Variants in TPSAB1 observed in about 807,000 individuals in gnomAD.
TPSAB1 encodes tryptase alpha/beta-1.
TPSAB1 carries 15 observed loss-of-function variants against 21.8 expected under a neutral mutation model. The ratio of observed to expected loss-of-function variants is 0.69; its 90% confidence interval spans 0.46 to 1.06. The LOEUF is 1.06. Ranked by LOEUF, TPSAB1 falls within the 50% of genes least tolerant of loss-of-function variation. The probability of loss-of-function intolerance (pLI) is 0.00; values close to 1 mark genes in which losing one functional copy is unlikely to be tolerated. For missense variants in TPSAB1, 186 were observed against 311.2 expected, an observed-to-expected ratio of 0.60 and a Z score of 3.03; for synonymous variants, 74 against 140.4, an observed-to-expected ratio of 0.53 and a Z score of 3.34.
In TPSAB1 at chr16:1,241,269, G is replaced by A. The variant is rs762710465; in HGVS notation, c.178G>A (p.Gly60Arg). The change falls in exon 3 of 6, where the codon GGG (glycine) becomes AGG (arginine). Residue 60 changes from glycine (G) to arginine (R), a missense_variant. This residue lies in a region of TPSAB1 where 89 missense variants were observed against 74.9 expected (regional missense o/e 1.19). Coordinates refer to ENST00000338844, the MANE Select transcript of TPSAB1 (RefSeq NM_003294.4). ...CGGCCCATACTGGATGCACTTCTGC[G>A]GGGGCTCCCTCATCCACCCCCAGTG... is the stretch of plus-strand genomic sequence containing the variant. ...VHGPYWMHFCGGSLIHPQWVL... is the reference protein window; with the variant it reads ...VHGPYWMHFCRGSLIHPQWVL... 1.1e-5 allele frequency: 18 copies of A among 1,612,002 alleles called. No homozygotes were observed. Among genetic ancestry groups the A allele is most frequent in the Admixed American group, 6.7e-5 (4 of 59,902 alleles).
rs550384428 is a variant in TPSAB1, at chr16:1,241,185, G to C, written c.94G>C (p.Val32Leu). 3.1e-6 allele frequency: 5 copies of C among 1,608,516 alleles called. No individual in the cohort carries two copies. The East Asian group carries it at 6.7e-5, about 22-fold the overall frequency. ...PGQALQRVGI[V>L]GGQEAPRSKW... ...CCAGGCCCTGCAGCGAGTGGGCATCGTCGGGGGTCAGGAGGCCCCCAGGAG... is the reference window on the plus strand; with the variant it reads ...CCAGGCCCTGCAGCGAGTGGGCATCCTCGGGGGTCAGGAGGCCCCCAGGAG... The change falls in exon 3 of 6, where the codon GTC becomes CTC. Residue 32 changes from valine to leucine, a missense_variant. Coordinates refer to ENST00000338844, the MANE Select transcript of TPSAB1 (RefSeq NM_003294.4).
rs1306793413 is a variant in TPSAB1 at position 1,240,716 on chromosome 16, G to C, written c.-13G>C. On this transcript the variant is annotated 5_prime_UTR_variant, in exon 1 of 6. Coordinates refer to ENST00000338844, the MANE Select transcript of TPSAB1 (RefSeq NM_003294.4). ...GAGAGCCCACTGGGTAGAAGGAACA[G>C]GGAGCGGCCAGGGTAAGTCCCCACT... 1 of 593,890 alleles carries C rather than the reference G, an allele frequency of 1.7e-6. No homozygotes were observed. Among genetic ancestry groups the C allele is most frequent in the Non-Finnish European group, 3.0e-6 (1 of 335,744 alleles). 36.8% of individuals were successfully genotyped at this position (593,890 alleles called of 1,614,324 possible).
chr16:1,242,217 C>T lies in TPSAB1; in HGVS notation c.805C>T (p.His269Tyr), dbSNP rs1315645632. 4 of 1,610,560 alleles carry T rather than the reference C, an allele frequency of 2.5e-6. No homozygotes were observed. The highest frequency in any genetic ancestry group is 3.4e-6 in the Non-Finnish European group (4 of 1,178,856). ...CACCTACTACTTGGACTGGATCCAC[C>T]ACTATGTCCCCAAAAAGCCGTGAGT... ...RVTYYLDWIH[H>Y]YVPKKP The change falls in exon 6 of 6, where the codon CAC becomes TAC. Residue 269 changes from histidine (H) to tyrosine (Y), a missense_variant. Coordinates refer to ENST00000338844, the MANE Select transcript of TPSAB1 (RefSeq NM_003294.4).
chr16:1,241,171 AG>A lies in TPSAB1; in HGVS notation c.81del (p.Gln27HisfsTer20). On this transcript the variant is annotated frameshift_variant, in exon 3 of 6. Transcript: ENST00000338844. LOFTEE classifies it high-confidence loss of function. ...GCCCCAGCCCCAGGCCAGGCCCTGC[AG>A]CGAGTGGGCATCGTCGGGGGTCAGG... Reference protein sequence around the residue: ...YAAPAPGQALQRVGIVGGQEA... With the variant: ...YAAPAPGQALXRVGIVGGQEA... 6.2e-7 allele frequency: 1 copy of A among 1,603,160 alleles called. No homozygotes were observed. Among genetic ancestry groups the A allele is most frequent in the Non-Finnish European group, 8.5e-7 (1 of 1,175,916 alleles).
chr16:1,241,596 C>G lies in TPSAB1; in HGVS notation c.396C>G (p.Asn132Lys), dbSNP rs144979264. The change falls in exon 4 of 6, where the codon AAC (asparagine) becomes AAG (lysine). Residue 132 changes from asparagine (N) to lysine (K), a missense_variant. Coordinates refer to ENST00000338844, the MANE Select transcript of TPSAB1 (RefSeq NM_003294.4). The stretch of plus-strand genomic sequence containing the variant: ...TGCTGGAGCTGGAGGAGCCGGTGAA[C>G]GTCTCCAGCCACGTCCACACGGTCA... ...IALLELEEPVNVSSHVHTVTL... is the reference protein window; with the variant it reads ...IALLELEEPVKVSSHVHTVTL... 0.4 allele frequency: 447,737 copies of G among 1,128,336 alleles called. 71,040 individuals are homozygous for G. Among genetic ancestry groups the G allele is most frequent in the East Asian group, 0.7 (23,935 of 34,032 alleles). The allele number at this position is 1,128,336 out of a possible 1,614,324, so 69.9% of individuals were successfully genotyped here.
chr16:1,241,159 G>A lies in TPSAB1; in HGVS notation c.68G>A (p.Gly23Asp), dbSNP rs141519544. The A allele has an allele frequency of 3.2e-6, 5 of 1,553,432 alleles. No individual in the cohort carries two copies. Among genetic ancestry groups the A allele is most frequent in the Admixed American group, 1.8e-5 (1 of 54,842 alleles). Residue 23 changes from glycine to aspartate, a missense_variant, in exon 3 of 6, where the codon GGC (glycine) becomes GAC (aspartate). Gly to Asp is a moderately conservative substitution (Grantham distance 94, BLOSUM62 -1). Around this residue, in one of 4 missense-constraint regions of TPSAB1, gnomAD observed 89 missense variants for 74.9 expected, o/e 1.19. Transcript: ENST00000338844. ...GACCTGGCACCTGCCCCAGCCCCAG[G>A]CCAGGCCCTGCAGCGAGTGGGCATC... The part of the protein sequence containing the change: ...ASRAYAAPAP[G>D]QALQRVGIVG...
Position 1,242,159 on chromosome 16 carries a change from C to G in TPSAB1, c.747C>G (p.Ala249=). Residue 249 remains alanine (A), a synonymous_variant, in exon 6 of 6, where the codon GCC becomes GCG. Coordinates refer to ENST00000338844, the MANE Select transcript of TPSAB1 (RefSeq NM_003294.4). Reference sequence around the variant, plus strand: ...TGGTCAGCTGGGGCGAGGGCTGTGCCCAGCCCAACCGGCCTGGCATCTACA... The same window carrying G: ...TGGTCAGCTGGGGCGAGGGCTGTGCGCAGCCCAACCGGCCTGGCATCTACA... ...AGVVSWGEGC[A]QPNRPGIYTR... 1.3e-6 allele frequency: 2 copies of G among 1,597,010 alleles called. No homozygotes were observed. The highest frequency in any genetic ancestry group is 1.7e-6 in the Non-Finnish European group (2 of 1,173,362).
rs1201811429 is a variant in TPSAB1 at position 1,241,192 on chromosome 16, G to C, written c.101G>C (p.Gly34Ala). Reference sequence around the variant, plus strand: ...CTGCAGCGAGTGGGCATCGTCGGGGGTCAGGAGGCCCCCAGGAGCAAGTGG... The same window carrying C: ...CTGCAGCGAGTGGGCATCGTCGGGGCTCAGGAGGCCCCCAGGAGCAAGTGG... The part of the protein sequence containing the change: ...QALQRVGIVG[G>A]QEAPRSKWPW... The change falls in exon 3 of 6, where the codon GGT becomes GCT. Residue 34 changes from glycine to alanine, a missense_variant. Around this residue, in one of 4 missense-constraint regions of TPSAB1, gnomAD observed 89 missense variants for 74.9 expected, o/e 1.19. Transcript: ENST00000338844. 3.1e-6 allele frequency: 5 copies of C among 1,610,494 alleles called. No individual in the cohort carries two copies. Among genetic ancestry groups the C allele is most frequent in the Admixed American group, 1.7e-5 (1 of 59,810 alleles).
At position 1,242,268 on chromosome 16, in the gene TPSAB1, A is replaced by G. The variant is rs752408972; in HGVS notation, c.*28A>G. On this transcript the variant is annotated 3_prime_UTR_variant, in exon 6 of 6. Coordinates refer to ENST00000338844, the MANE Select transcript of TPSAB1 (RefSeq NM_003294.4). ...CAGGCCTGGGTTGGCCACCTGGGTCACTGGAGGACCAACCCCTGCTGTCCA... is the reference window on the plus strand; with the variant it reads ...CAGGCCTGGGTTGGCCACCTGGGTCGCTGGAGGACCAACCCCTGCTGTCCA... 4.3e-6 allele frequency: 7 copies of G among 1,611,844 alleles called. No homozygotes were observed. The African/African-American group carries it at 9.4e-5, about 22-fold the overall frequency.
chr16:1,242,226 C>T lies in TPSAB1; in HGVS notation c.814C>T (p.Pro272Ser). 1 of 1,611,566 alleles carries T rather than the reference C, an allele frequency of 6.2e-7. No individual in the cohort carries two copies. Among genetic ancestry groups the T allele is most frequent in the South Asian group, 1.1e-5 (1 of 90,324 alleles). The stretch of plus-strand genomic sequence containing the variant: ...CTTGGACTGGATCCACCACTATGTC[C>T]CCAAAAAGCCGTGAGTCAGGCCTGG... ...YYLDWIHHYV[P>S]KKP is the part of the protein sequence containing the mutation. Residue 272 changes from proline (P) to serine (S), a missense_variant, in exon 6 of 6, where the codon CCC (proline) becomes TCC (serine). Coordinates refer to ENST00000338844, the MANE Select transcript of TPSAB1 (RefSeq NM_003294.4).
Position 1,242,309 on chromosome 16 carries a change from C to T in TPSAB1, c.*69C>T, listed in dbSNP as rs1367081775. 1.1e-5 allele frequency: 17 copies of T among 1,594,486 alleles called. No individual in the cohort carries two copies. The African/African-American group carries it at 2.3e-4, about 21-fold the overall frequency. ...CTGCTGTCCAAAACACCACTGCTTCCTACCCAGGTGGCGACTGCCCCCCAC... is the reference window on the plus strand; with the variant it reads ...CTGCTGTCCAAAACACCACTGCTTCTTACCCAGGTGGCGACTGCCCCCCAC... On this transcript the variant is annotated 3_prime_UTR_variant, in exon 6 of 6. Coordinates refer to ENST00000338844, the MANE Select transcript of TPSAB1 (RefSeq NM_003294.4).
In TPSAB1 at chr16:1,242,361, C is replaced by G. The variant is rs1373091578; in HGVS notation, c.*121C>G. Reference sequence around the variant, plus strand: ...CCTTCCCTGCCCCGTCCTGAGTGCCCCTTCCTGTCCTAAGCCCCCTGCTCT... The same window carrying G: ...CCTTCCCTGCCCCGTCCTGAGTGCCGCTTCCTGTCCTAAGCCCCCTGCTCT... On this transcript the variant is annotated 3_prime_UTR_variant, in exon 6 of 6. Coordinates refer to ENST00000338844, the MANE Select transcript of TPSAB1 (RefSeq NM_003294.4). The G allele has an allele frequency of 1.5e-6, 1 of 663,938 alleles. No individual in the cohort carries two copies. Among genetic ancestry groups the G allele is most frequent in the Non-Finnish European group, 2.6e-6 (1 of 383,592 alleles). 41.1% of individuals were successfully genotyped at this position (663,938 alleles called of 1,614,324 possible).
At position 1,242,123 on chromosome 16, in the gene TPSAB1, G is replaced by C. The variant is rs144701102; in HGVS notation, c.711G>C (p.Leu237=). Residue 237 remains leucine, a synonymous_variant, in exon 6 of 6, where the codon CTG becomes CTC. Transcript: ENST00000338844. ...PLVCKVNGTW[L]QAGVVSWGEG... Reference sequence around the variant, plus strand: ...TGTGCAAGGTGAATGGCACCTGGCTGCAGGCGGGCGTGGTCAGCTGGGGCG... The same window carrying C: ...TGTGCAAGGTGAATGGCACCTGGCTCCAGGCGGGCGTGGTCAGCTGGGGCG... 1.5e-4 allele frequency: 221 copies of C among 1,496,386 alleles called. 5 individuals are homozygous for C. The East Asian group carries it at 5.5e-3, about 38-fold the overall frequency. The allele number at this position is 1,496,386 out of a possible 1,614,324, so 92.7% of individuals were successfully genotyped here.
In TPSAB1 at chr16:1,242,269, C is replaced by T. The variant is rs372404127; in HGVS notation, c.*29C>T. 4 of 1,611,842 alleles carry T rather than the reference C, an allele frequency of 2.5e-6. No individual in the cohort carries two copies. Among genetic ancestry groups the T allele is most frequent in the African/African-American group, 1.3e-5 (1 of 74,748 alleles). On this transcript the variant is annotated 3_prime_UTR_variant, in exon 6 of 6. Transcript: ENST00000338844. ...AGGCCTGGGTTGGCCACCTGGGTCA[C>T]TGGAGGACCAACCCCTGCTGTCCAA...
intron 5 of TPSAB1, 29 bp from the exon 6 acceptor site, chr16:1,242,047 C>A (rs1375550790): frequency 4.3e-5 from 28 of 646,148 alleles, no homozygotes; most frequent in Non-Finnish European, 5.5e-5. Context: ...CAGGCCTGTT[C>A]GGCGAGCGCT....
chr16:1,241,253 C>G lies in TPSAB1; in HGVS notation c.162C>G (p.Tyr54Ter). 6.2e-7 allele frequency: 1 copy of G among 1,612,562 alleles called. No homozygotes were observed. Among genetic ancestry groups the G allele is most frequent in the Non-Finnish European group, 8.5e-7 (1 of 1,179,586 alleles). ...WQVSLRVHGPYWMHFCGGSLI... is the reference protein window; with the variant it reads ...WQVSLRVHGP ...TGAGCCTGAGAGTCCACGGCCCATACTGGATGCACTTCTGCGGGGGCTCCC... is the reference window on the plus strand; with the variant it reads ...TGAGCCTGAGAGTCCACGGCCCATAGTGGATGCACTTCTGCGGGGGCTCCC... The change falls in exon 3 of 6, where the codon TAC (tyrosine) becomes TAG (stop). Residue 54 changes from tyrosine (Y) to a stop codon, truncating the protein, a stop_gained. Transcript: ENST00000338844. LOFTEE classifies it high-confidence loss of function.
chr16:1,241,273 GC>G lies in TPSAB1; in HGVS notation c.183del (p.Ser62ProfsTer9), dbSNP rs1567573353. On this transcript the variant is annotated frameshift_variant, in exon 3 of 6. Coordinates refer to ENST00000338844, the MANE Select transcript of TPSAB1 (RefSeq NM_003294.4). LOFTEE classifies it high-confidence loss of function. ...CCATACTGGATGCACTTCTGCGGGG[GC>G]TCCCTCATCCACCCCCAGTGGGTGC... ...HGPYWMHFCG[G>X]SLIHPQWVLT... The G allele has an allele frequency of 1.2e-6, 2 of 1,611,812 alleles. No individual in the cohort carries two copies. The highest frequency in any genetic ancestry group is 2.2e-5 in the South Asian group (2 of 90,654).
Position 1,241,610 on chromosome 16 carries a change from TC to T in TPSAB1, c.412del (p.His138ThrfsTer38). ...LEEPVNVSSH[V>X]HTVTLPPASE... is the part of the protein sequence containing the mutation. ...GAGCCGGTGAACGTCTCCAGCCACG[TC>T]CACACGGTCACCCTGCCCCCTGCCT... On this transcript the variant is annotated frameshift_variant, in exon 4 of 6. Transcript: ENST00000338844. LOFTEE classifies it high-confidence loss of function. 9.7e-7 allele frequency: 1 copy of T among 1,025,744 alleles called. No individual in the cohort carries two copies. The highest frequency in any genetic ancestry group is 1.4e-6 in the Non-Finnish European group (1 of 720,650). The allele number at this position is 1,025,744 out of a possible 1,614,324, so 63.5% of individuals were successfully genotyped here.
Position 1,242,327 on chromosome 16 carries a change from C to T in TPSAB1, c.*87C>T, listed in dbSNP as rs546282703. 4.4e-5 allele frequency: 68 copies of T among 1,543,146 alleles called. No individual in the cohort carries two copies. The African/African-American group carries it at 7.9e-4, about 18-fold the overall frequency. On this transcript the variant is annotated 3_prime_UTR_variant, in exon 6 of 6. Coordinates refer to ENST00000338844, the MANE Select transcript of TPSAB1 (RefSeq NM_003294.4). The stretch of plus-strand genomic sequence containing the variant: ...CTGCTTCCTACCCAGGTGGCGACTG[C>T]CCCCCACACCTTCCCTGCCCCGTCC...
Sources: allele counts gnomAD v4.1 joint callset, GRCh38; gene constraint gnomAD v4.1.1; regional missense constraint gnomAD v4.1.1; transcripts MANE v1.5; gene names NCBI Gene and HGNC (gene_info 2026-07-23, HGNC 2026-07-21).